The following GNRH2 variants were observed in gnomAD, a reference collection of about 807,000 sequenced individuals.
GNRH2 encodes progonadoliberin-2.
A neutral mutation model predicts 12.1 loss-of-function variants in GNRH2; 15 were observed. That is an observed-to-expected ratio of 1.24 (90% CI 0.83 to 1.90). The LOEUF (loss-of-function observed/expected upper bound fraction) is 1.90. GNRH2 is among the 40% of genes most tolerant of loss of function. The pLI is 0.00. For missense variants in GNRH2, 143 were observed against 141.4 expected, an observed-to-expected ratio of 1.01 and a Z score of -0.06; for synonymous variants, 60 against 62.0, an observed-to-expected ratio of 0.97 and a Z score of 0.15.
chr20:3,044,830 A>T lies in GNRH2; in HGVS notation c.285A>T (p.Thr95=). ...ACAGGAAGCGACACCTGGCACGGAC[A>T]CTGCTGGTGAGTAGGGTGAGAGGTC... is the stretch of plus-strand genomic sequence containing the variant. ...SLHRKRHLAR[T]LLTAAREPRP... is the part of the protein sequence containing the mutation. The change falls in exon 3 of 4, where the codon ACA becomes ACT. Residue 95 remains threonine (T), a synonymous_variant. Coordinates refer to ENST00000359100, the MANE Select transcript of GNRH2 (RefSeq NM_178331.2). The T allele has an allele frequency of 6.2e-7, 1 of 1,604,618 alleles. No homozygotes were observed. Among genetic ancestry groups the T allele is most frequent in the Non-Finnish European group, 8.5e-7 (1 of 1,173,400 alleles).
At chr20:3,045,598 G>C (rs1161038121) in intron 3 of GNRH2, 88 bp from the exon 4 acceptor site, 3 of 1,136,854 alleles carry the variant, frequency 2.6e-6, no homozygotes, top group African/African-American at 1.5e-5. Context: ...GACTGGGGGG[G>C]ACGAGAGGGG....
In GNRH2 at chr20:3,044,395, C is replaced by G; in HGVS notation, c.-7-13C>G. 1 of 1,610,456 alleles carries G rather than the reference C, an allele frequency of 6.2e-7. No homozygotes were observed. On this transcript the variant is annotated splice_polypyrimidine_tract_variant and intron_variant, in intron 1 of 3. Coordinates refer to ENST00000359100, the MANE Select transcript of GNRH2 (RefSeq NM_178331.2). ...GAGGTAAGTCTCCTTGAATGCTGTA[C>G]CCTGTCCATTAGAGCAGCCATGGCC...
At chr20:3,043,715 T>A (rs2065957542) in intron 1 of GNRH2, 50 bp downstream of exon 1, 1 of 152,412 alleles carries the variant, frequency 6.6e-6, no homozygotes. Context: ...CCAAGTTTCA[T>A]CCTGGGCGTA....
chr20:3,044,596 GAAGAAAGTGATGGCCGGGGGCT>G (rs771070210), intron 2 of GNRH2, 28 bp downstream of exon 2: 5 of 1,611,644 alleles, frequency 3.1e-6, no homozygotes, highest in Non-Finnish European at 4.2e-6. Flanking sequence ...TCATGGGGAG[GAAGAAAGTGATGGCCGGGGGCT>G]CCCCCACCCT....
intron 1 of GNRH2, 191 bp from the exon 2 acceptor site, chr20:3,044,217 C>G (rs1345940309): frequency 1.8e-6 from 1 of 567,864 alleles, no homozygotes; most frequent in Non-Finnish European, 3.2e-6. Flanking sequence ...AGCATCATCC[C>G]CTGCTGGGCC....
At chr20:3,044,363 TG>T in intron 1 of GNRH2, 44 bp from the exon 2 acceptor site, 2 of 1,544,008 alleles carry the variant, frequency 1.3e-6, no homozygotes, top group Non-Finnish European at 1.8e-6. Flanking sequence ...TAGGGGGATG[TG>T]GGGGTGAGGT....
chr20:3,045,445 GTA>G (rs2065978818), intron 3 of GNRH2, among the ~76,000 whole-genome samples: 1 of 152,206 alleles, frequency 6.6e-6, no homozygotes, highest in African/African-American at 2.4e-5. Context: ...TGATTTGTGT[GTA>G]TGTGCTGAGG....
At chr20:3,044,198 G>A (rs944852073) in intron 1 of GNRH2, 5 of 548,024 alleles carry the variant, frequency 9.1e-6, no homozygotes, top group East Asian at 5.7e-5. Flanking sequence ...GAGAAGGCTC[G>A]TCCCCTGGAG....
chr20:3,044,398 T>C lies in GNRH2; in HGVS notation c.-7-10T>C. On this transcript the variant is annotated splice_polypyrimidine_tract_variant and intron_variant, in intron 1 of 3. Coordinates refer to ENST00000359100, the MANE Select transcript of GNRH2 (RefSeq NM_178331.2). The stretch of plus-strand genomic sequence containing the variant: ...GTAAGTCTCCTTGAATGCTGTACCC[T>C]GTCCATTAGAGCAGCCATGGCCAGC... 6.2e-7 allele frequency: 1 copy of C among 1,611,394 alleles called. No individual in the cohort carries two copies. Among genetic ancestry groups the C allele is most frequent in the South Asian group, 1.1e-5 (1 of 91,034 alleles).
chr20:3,044,893 T>G, intron 3 of GNRH2, 57 bp downstream of exon 3: 1 of 1,466,420 alleles, frequency 6.8e-7, no homozygotes, highest in Non-Finnish European at 9.4e-7. Flanking sequence ...TCAGAGGCCA[T>G]TGTGGCTTAG....
In GNRH2 at chr20:3,043,662, C is replaced by G. The variant is rs1269751197; in HGVS notation, c.-11C>G. On this transcript the variant is annotated 5_prime_UTR_variant, in exon 1 of 4. Coordinates refer to ENST00000359100, the MANE Select transcript of GNRH2 (RefSeq NM_178331.2). ...GGAGCCATCTCATCCACAGCTCTTC[C>G]TTGGTGAGTGGGGAGCCTTCCCTAA... The G allele has an allele frequency of 6.6e-6, 1 of 152,346 alleles. No individual in the cohort carries two copies. The allele number at this position is 152,346 out of a possible 1,614,324, so 9.4% of individuals were successfully genotyped here.
chr20:3,044,161 A>G (rs553239079), intron 1 of GNRH2: 1 of 491,932 alleles, frequency 2.0e-6, no homozygotes, highest in East Asian at 3.1e-5. Flanking sequence ...CTGGCAAGGC[A>G]GGTAGCCTCT....
chr20:3,045,708 C>CCGCCA lies in GNRH2; in HGVS notation c.318_319insACGCC (p.Pro107ThrfsTer?). The CCGCCA allele has an allele frequency of 1.2e-6, 2 of 1,610,840 alleles. No individual in the cohort carries two copies. The highest frequency in any genetic ancestry group is 1.7e-6 in the Non-Finnish European group (2 of 1,177,416). ...CAGACCGCAGCCCGAGAGCCCCGCC[C>CCGCCA]CGCCCCGCCATCCTCCAATAAAGTG... On this transcript the variant is annotated frameshift_variant, in exon 4 of 4. Transcript: ENST00000359100. LOFTEE classifies it high-confidence loss of function.
At chr20:3,044,341 C>A in intron 1 of GNRH2, 67 bp from the exon 2 acceptor site, 1 of 1,337,972 alleles carries the variant, frequency 7.5e-7, no homozygotes, top group Non-Finnish European at 1.1e-6. Context: ...TCCAAAGTGG[C>A]CCTGGAGGAA....
At position 3,045,733 on chromosome 20, in the gene GNRH2, G is replaced by A. The variant is rs2065983207; in HGVS notation, c.339G>A (p.Val113=). 1 of 1,595,244 alleles carries A rather than the reference G, an allele frequency of 6.3e-7. No homozygotes were observed. Reference sequence around the variant, plus strand: ...CCGCCCCGCCATCCTCCAATAAAGTGTGAGGTTCTCCGAAGCTGTTGCGTC... The same window carrying A: ...CCGCCCCGCCATCCTCCAATAAAGTATGAGGTTCTCCGAAGCTGTTGCGTC... The part of the protein sequence containing the change: ...PRPAPPSSNK[V] The change falls in exon 4 of 4, where the codon GTG becomes GTA. Residue 113 remains valine (V), a synonymous_variant. Transcript: ENST00000359100.
Position 3,044,444 on chromosome 20 carries a change from C to T in GNRH2, c.30C>T (p.Leu10=). The change falls in exon 2 of 4, where the codon CTC becomes CTT. Residue 10 remains leucine, a synonymous_variant. Transcript: ENST00000359100. ...CCAGCTCCAGGCGAGGCCTCCTGCT[C>T]CTGCTGCTGCTGACTGCCCACCTTG... MASSRRGLL[L]LLLLTAHLGP... The T allele has an allele frequency of 6.2e-7, 1 of 1,612,582 alleles. No individual in the cohort carries two copies. Among genetic ancestry groups the T allele is most frequent in the African/African-American group, 1.3e-5 (1 of 75,026 alleles).
Position 3,044,486 on chromosome 20 carries a change from G to A in GNRH2, c.72G>A (p.Gln24=). ...LTAHLGPSEA[Q]HWSHGWYPGG... is the part of the protein sequence containing the mutation. Reference sequence around the variant, plus strand: ...CCCACCTTGGACCCTCAGAGGCTCAGCACTGGTCCCATGGCTGGTACCCTG... The same window carrying A: ...CCCACCTTGGACCCTCAGAGGCTCAACACTGGTCCCATGGCTGGTACCCTG... Residue 24 remains glutamine (Q), a synonymous_variant, in exon 2 of 4, where the codon CAG becomes CAA. Coordinates refer to ENST00000359100, the MANE Select transcript of GNRH2 (RefSeq NM_178331.2). 1 of 1,613,796 alleles carries A rather than the reference G, an allele frequency of 6.2e-7. No homozygotes were observed. Among genetic ancestry groups the A allele is most frequent in the East Asian group, 2.2e-5 (1 of 44,876 alleles).
chr20:3,045,261 CAT>C (rs1375406796), intron 3 of GNRH2, among the ~76,000 whole-genome samples: 9 of 152,274 alleles, frequency 5.9e-5, no homozygotes, highest in Non-Finnish European at 1.0e-4. Context: ...TGGTGACTGA[CAT>C]GTGCACTAGG....
rs377526911 is a variant in GNRH2, at chr20:3,045,548, C to G, written c.292-138C>G. 99 of 690,836 alleles carry G rather than the reference C, an allele frequency of 1.4e-4. 1 individual carries two copies. In the African/African-American group the frequency reaches 1.5e-3, roughly 11 times the overall value. 42.8% of individuals were successfully genotyped at this position (690,836 alleles called of 1,614,324 possible). On this transcript the variant is annotated intron_variant, in intron 3 of 3. Coordinates refer to ENST00000359100, the MANE Select transcript of GNRH2 (RefSeq NM_178331.2). ...CACTAGCTGGATCCTCAGGCTTCTA[C>G]GGGAGGCGGGGGGCGTCCTGCTGTG...
Sources: gnomAD v4.1 joint callset for allele counts (sites outside exome capture counted in the v4.1 genomes callset) on GRCh38, gnomAD v4.1.1 for gene constraint, MANE v1.5 for transcripts, NCBI Gene and HGNC (gene_info 2026-07-23, HGNC 2026-07-21) for gene names.